Variants in TP63 observed in about 807,000 individuals in gnomAD.
The protein encoded by TP63 is tumor protein 63.
TP63 carries 17 observed loss-of-function variants against 82.8 expected under a neutral mutation model. The ratio of observed to expected loss-of-function variants is 0.21; its 90% CI spans 0.14 to 0.31. The LOEUF is 0.31. Ranked by LOEUF, TP63 falls within the 10% of genes least tolerant of loss-of-function variation. The pLI is 1.00. For synonymous variants in TP63, 330 were observed against 321.7 expected, an observed-to-expected ratio of 1.03 and a Z score of -0.28; for missense variants, 648 against 895.3, an observed-to-expected ratio of 0.72 and a Z score of 3.52.
chr3:189,655,970 A>C (rs1157743057), intron 1 of TP63, among the ~76,000 whole-genome samples: 3 of 152,200 alleles, frequency 2.0e-5, no homozygotes, highest in East Asian at 3.9e-4. Context: ...ACAGGGACTC[A>C]TTGCTTTTGG....
At chr3:189,738,414 G>A (rs1452726337) in intron 2 of TP63, among the ~76,000 whole-genome samples, 2 of 152,144 alleles carry the variant, frequency 1.3e-5, no homozygotes, top group East Asian at 3.9e-4. Flanking sequence ...TATCTGAGGA[G>A]GGCAGAGGTC....
chr3:189,792,692 T>A (rs1330147929), intron 3 of TP63, among the ~76,000 whole-genome samples: 1 of 152,084 alleles, frequency 6.6e-6, no homozygotes, highest in Non-Finnish European at 1.5e-5. Flanking sequence ...TACGATCGTG[T>A]TCCCTTTACT....
intron 1 of TP63, among the ~76,000 whole-genome samples, chr3:189,683,547 C>T (rs559233574): frequency 6.6e-6 from 1 of 152,280 alleles, no homozygotes; most frequent in Non-Finnish European, 1.5e-5. Flanking sequence ...ACACAGGAAA[C>T]AGGAAAAATG....
At chr3:189,788,526 A>G (rs990958848) in intron 3 of TP63, among the ~76,000 whole-genome samples, 1 of 151,878 alleles carries the variant, frequency 6.6e-6, no homozygotes, top group Non-Finnish European at 1.5e-5. Context: ...ACTTATAGTT[A>G]TCTTGGCCAC....
chr3:189,889,618 T>C (rs1720814957), intron 12 of TP63, 134 bp downstream of exon 12: 1 of 1,229,044 alleles, frequency 8.1e-7, no homozygotes, highest in Admixed American at 1.9e-5. Context: ...GTCACTATTA[T>C]CTCTGATCTG....
chr3:189,868,773 A>G (rs1242476089), intron 8 of TP63, 57 bp downstream of exon 8: 1 of 1,612,526 alleles, frequency 6.2e-7, no homozygotes, highest in Non-Finnish European at 8.5e-7. Flanking sequence ...GATGTTGGAG[A>G]ATGGGGTGAT....
intron 4 of TP63, among the ~76,000 whole-genome samples, chr3:189,825,670 C>T (rs1015365046): frequency 6.6e-6 from 1 of 152,104 alleles, no homozygotes; most frequent in African/African-American, 2.4e-5. Flanking sequence ...TATTCTTTCC[C>T]TTTATCATAT....
chr3:189,774,940 G>A lies in TP63; in HGVS notation c.325-33332G>A, dbSNP rs561332406. The stretch of plus-strand genomic sequence containing the variant: ...TCCCATAGAAAGGAAATTGACAGCC[G>A]GGCATGGTGGCTCACGCCTGTAATC... On this transcript the variant is annotated intron_variant, in intron 3 of 13. Transcript: ENST00000264731. 1.6e-3 allele frequency among the ~76,000 whole-genome samples: 251 copies of A among 152,292 alleles called. 1 individual carries two copies. The highest frequency in any genetic ancestry group is 6.8e-3 in the Middle Eastern group (2 of 294).
At chr3:189,662,348 T>G (rs981862420) in intron 1 of TP63, among the ~76,000 whole-genome samples, 1 of 152,094 alleles carries the variant, frequency 6.6e-6, no homozygotes, top group African/African-American at 2.4e-5. Context: ...TAGCAAGTTG[T>G]TTAATTTCCA....
At chr3:189,740,457 T>C (rs1720899376) in intron 3 of TP63, among the ~76,000 whole-genome samples, 2 of 152,160 alleles carry the variant, frequency 1.3e-5, no homozygotes, top group South Asian at 4.1e-4. Flanking sequence ...AAGAATTTTC[T>C]CTTACACACT....
At chr3:189,598,594 T>C in the TP63 span, among the ~76,000 whole-genome samples, 2 of 152,196 alleles carry the variant, frequency 1.3e-5, no homozygotes, top group Non-Finnish European at 2.9e-5. Context: ...TTCAACATTA[T>C]GAAACCATAC....
chr3:189,669,256 A>G (rs1268253063), intron 1 of TP63, among the ~76,000 whole-genome samples: 1 of 151,958 alleles, frequency 6.6e-6, no homozygotes, highest in African/African-American at 2.4e-5. Context: ...GTAAAACTTG[A>G]TTCTATGTCT....
chr3:189,632,756 A>G (rs570976428), intron 1 of TP63, among the ~76,000 whole-genome samples: 1 of 152,254 alleles, frequency 6.6e-6, no homozygotes, highest in East Asian at 1.9e-4. Context: ...GCACAAATAA[A>G]TGGCTCTAGG....
chr3:189,854,374 A>G (rs7648781), intron 4 of TP63, among the ~76,000 whole-genome samples: 36,256 of 151,944 alleles, frequency 0.24, 6,991 homozygotes, highest in African/African-American at 0.54. Flanking sequence ...GGGATTACAG[A>G]CATGTGCCAC....
chr3:189,786,010 A>C lies in TP63; in HGVS notation c.325-22262A>C, dbSNP rs577913575. ...ATGGATCATAAATATTCAGGGAAAA[A>C]ATTAAAAATAAAAATACAACAAACC... On this transcript the variant is annotated intron_variant, in intron 3 of 13. Transcript: ENST00000264731. Among the ~76,000 whole-genome samples, 8 of 152,124 alleles carry C rather than the reference A, an allele frequency of 5.3e-5. No homozygotes were observed. The South Asian group carries it at 1.7e-3, about 32-fold the overall frequency.
chr3:189,672,442 G>A (rs568524247), intron 1 of TP63, among the ~76,000 whole-genome samples: 115 of 151,858 alleles, frequency 7.6e-4, no homozygotes, highest in African/African-American at 2.6e-3. Context: ...CTCTACAAAA[G>A]ATGAACAAAA....
intron 3 of TP63, among the ~76,000 whole-genome samples, chr3:189,766,092 T>C (rs1722942146): frequency 1.3e-5 from 2 of 152,114 alleles, no homozygotes; most frequent in South Asian, 4.1e-4. Flanking sequence ...TCCCAGCTAC[T>C]TGGGAGGCTG....
intron 9 of TP63, 119 bp from the exon 10 acceptor site, chr3:189,872,740 A>G: frequency 2.1e-6 from 3 of 1,422,798 alleles, no homozygotes; most frequent in East Asian, 4.8e-5. Flanking sequence ...TGTTACAAAT[A>G]AACGTTAGCA....
chr3:189,822,317 T>G (rs1728879023), intron 4 of TP63, among the ~76,000 whole-genome samples: 1 of 152,138 alleles, frequency 6.6e-6, no homozygotes, highest in Non-Finnish European at 1.5e-5. Context: ...TAGCCTCTGG[T>G]GCCTAGTAGA....
Sources: allele counts gnomAD v4.1 joint callset (sites outside exome capture counted in the v4.1 genomes callset), GRCh38; gene constraint gnomAD v4.1.1; transcripts MANE v1.5; gene names NCBI Gene and HGNC (gene_info 2026-07-23, HGNC 2026-07-21).